Variants in PKHD1 observed in about 807,000 individuals in gnomAD.
PKHD1 encodes the protein PKHD1 ciliary IPT domain containing fibrocystin/polyductin.
A neutral mutation model predicts 412.0 loss-of-function variants in PKHD1; 291 were observed. That is an observed-to-expected ratio of 0.71 (90% CI 0.64 to 0.78). The LOEUF is 0.78. PKHD1 is among the 30% of genes least tolerant of loss of function. PKHD1 has a pLI of 0.00. For synonymous variants in PKHD1, 1,777 were observed against 1,821.5 expected, an observed-to-expected ratio of 0.98 and a Z score of 0.62; for missense variants, 4,825 against 4,950.7, an observed-to-expected ratio of 0.97 and a Z score of 0.76.
chr6:51,783,632 G>A (rs187361626), intron 53 of PKHD1, among the ~76,000 whole-genome samples: 2 of 152,032 alleles, frequency 1.3e-5, no homozygotes, highest in East Asian at 1.9e-4. Context: ...CATATAAGAG[G>A]AGACATTGAT....
intron 60 of PKHD1, among the ~76,000 whole-genome samples, chr6:51,718,737 T>C (rs1347414994): frequency 1.3e-5 from 2 of 152,176 alleles, no homozygotes; most frequent in Admixed American, 6.5e-5. Context: ...ATGGAATAAC[T>C]ATAAATGGAG....
chr6:51,616,899 A>G lies in PKHD1; in HGVS notation c.*2182T>C. ...GAAGGGCGAAATAGAATGAAGAGTC[A>G]TGACTGACTTCTAGATTTCTGGTCT... On this transcript the variant is annotated 3_prime_UTR_variant, in exon 67 of 67. Coordinates refer to ENST00000371117, the MANE Select transcript of PKHD1 (RefSeq NM_138694.4). 2.6e-6 allele frequency: 1 copy of G among 384,236 alleles called. No homozygotes were observed. The highest frequency in any genetic ancestry group is 4.6e-6 in the Non-Finnish European group (1 of 217,266). The allele number at this position is 384,236 out of a possible 1,614,324, so 23.8% of individuals were successfully genotyped here.
intron 48 of PKHD1, among the ~76,000 whole-genome samples, chr6:51,860,411 G>T (rs1339529115): frequency 6.6e-6 from 1 of 152,138 alleles, no homozygotes; most frequent in Non-Finnish European, 1.5e-5. Context: ...ACCATGAAGA[G>T]AACTTACCAA....
chr6:51,925,231 T>A (rs1785340988), intron 37 of PKHD1, among the ~76,000 whole-genome samples: 1 of 152,126 alleles, frequency 6.6e-6, no homozygotes, highest in African/African-American at 2.4e-5. Flanking sequence ...TACAGAAAGT[T>A]TGAAAGGAAG....
At chr6:52,052,523 C>T (rs1807022148) in intron 21 of PKHD1, among the ~76,000 whole-genome samples, 3 of 152,286 alleles carry the variant, frequency 2.0e-5, no homozygotes, top group Admixed American at 6.5e-5. Context: ...ACTCTCACTG[C>T]GTCTGTCTTG....
At chr6:51,780,805 T>A (rs1241454945) in intron 53 of PKHD1, among the ~76,000 whole-genome samples, 1 of 152,162 alleles carries the variant, frequency 6.6e-6, no homozygotes, top group Non-Finnish European at 1.5e-5. Context: ...GTTTTGTTGA[T>A]CAAAAGAGGG....
intron 60 of PKHD1, among the ~76,000 whole-genome samples, chr6:51,688,961 A>G (rs1463350945): frequency 6.6e-6 from 1 of 152,156 alleles, no homozygotes; most frequent in Non-Finnish European, 1.5e-5. Flanking sequence ...ACAATTCCAA[A>G]AAATTGAGGA....
rs575535318 is a variant in PKHD1, at chr6:51,712,655, C to G, written c.10156+31730G>C. 5.3e-4 allele frequency among the ~76,000 whole-genome samples: 81 copies of G among 152,224 alleles called. No individual in the cohort carries two copies. The South Asian group carries it at 0.016, about 31-fold the overall frequency. On this transcript the variant is annotated intron_variant, in intron 60 of 66. Transcript: ENST00000371117. ...TTTCAAAAAGAGAAAACAGGTGATT[C>G]TTATCTTTCCTCTGATGTAGGGTAT...
In PKHD1 at chr6:51,619,110, G is replaced by A; in HGVS notation, c.12196C>T (p.His4066Tyr). The A allele has an allele frequency of 6.2e-7, 1 of 1,614,228 alleles. No homozygotes were observed. The highest frequency in any genetic ancestry group is 8.5e-7 in the Non-Finnish European group (1 of 1,180,026). The change falls in exon 67 of 67, where the codon CAC (histidine) becomes TAC (tyrosine). Residue 4066 changes from histidine (H) to tyrosine (Y), a missense_variant. Transcript: ENST00000371117. The stretch of plus-strand genomic sequence containing the variant: ...AGTTGCTCCTGAATAGTTTCCGGGT[G>A]TACTGAATGAAGGCAGAATGCCTCA... Reference protein sequence around the residue: ...ATEAFCLHSVHPETIQEQL With the variant: ...ATEAFCLHSVYPETIQEQL
intron 60 of PKHD1, chr6:51,721,585 C>T (rs1204855172): frequency 3.0e-6 from 3 of 1,010,876 alleles, no homozygotes; most frequent in East Asian, 9.7e-5. Context: ...CTGAATTGCT[C>T]CTCTCTCATA....
chr6:51,616,435 T>C lies in PKHD1; in HGVS notation c.*2646A>G, dbSNP rs1766071641. ...GTTAACGATCTGAATAAATTTAGAG[T>C]TGGCCTACAGTGGTGCTCAAATTGG... On this transcript the variant is annotated 3_prime_UTR_variant, in exon 67 of 67. Coordinates refer to ENST00000371117, the MANE Select transcript of PKHD1 (RefSeq NM_138694.4). 2.7e-6 allele frequency: 1 copy of C among 375,674 alleles called. No homozygotes were observed. The allele number at this position is 375,674 out of a possible 1,614,324, so 23.3% of individuals were successfully genotyped here. A position where few individuals can be genotyped will look rare whatever the true frequency, so the allele number is the denominator to read the frequency against.
intron 43 of PKHD1, among the ~76,000 whole-genome samples, chr6:51,901,694 A>G (rs901897620): frequency 4.6e-5 from 7 of 151,658 alleles, no homozygotes; most frequent in African/African-American, 1.5e-4. Flanking sequence ...AAAACTTAAA[A>G]AAAAAAAAAA....
intron 46 of PKHD1, among the ~76,000 whole-genome samples, chr6:51,881,876 CACTT>C (rs1435676778): frequency 2.0e-5 from 3 of 152,174 alleles, no homozygotes; most frequent in Admixed American, 2.0e-4. Context: ...TCTTGTCCTG[CACTT>C]ACTTAAGAGA....
intron 29 of PKHD1, among the ~76,000 whole-genome samples, chr6:52,032,746 A>T (rs903233164): frequency 9.9e-5 from 15 of 152,168 alleles, no homozygotes; most frequent in African/African-American, 3.4e-4. Context: ...CATTATTGAC[A>T]CTTACTAAAT....
At chr6:51,934,929 T>C (rs953857852) in intron 36 of PKHD1, among the ~76,000 whole-genome samples, 2 of 152,176 alleles carry the variant, frequency 1.3e-5, no homozygotes, top group Admixed American at 1.3e-4. Flanking sequence ...AAGAGAAATA[T>C]GGAGCAAAAG....
chr6:51,743,753 G>T (rs549984850), intron 60 of PKHD1, among the ~76,000 whole-genome samples: 3 of 152,154 alleles, frequency 2.0e-5, no homozygotes, highest in Admixed American at 2.0e-4. Context: ...ACATTTGACC[G>T]GAGCAGGTTC....
chr6:52,007,498 C>T (rs145163828), intron 35 of PKHD1, among the ~76,000 whole-genome samples: 2 of 152,146 alleles, frequency 1.3e-5, no homozygotes, highest in Non-Finnish European at 2.9e-5. Flanking sequence ...AATTGTACAT[C>T]CCAACATGGG....
At chr6:51,907,855 CTT>C (rs1479535477) in intron 40 of PKHD1, among the ~76,000 whole-genome samples, 2 of 152,154 alleles carry the variant, frequency 1.3e-5, no homozygotes, top group East Asian at 3.9e-4. Flanking sequence ...AATTTTCAAA[CTT>C]TTATTTTTTA....
chr6:51,904,015 G>A lies in PKHD1; in HGVS notation c.6836C>T (p.Ser2279Phe), dbSNP rs1781696196. 1 of 1,595,098 alleles carries A rather than the reference G, an allele frequency of 6.3e-7. No homozygotes were observed. Among genetic ancestry groups the A allele is most frequent in the Non-Finnish European group, 8.6e-7 (1 of 1,163,230 alleles). Residue 2279 changes from serine to phenylalanine, a missense_variant, in exon 42 of 67, where the codon TCC (serine) becomes TTC (phenylalanine). Transcript: ENST00000371117. ...TTTCCTTCCATGAATTGCCTCCCAG[G>A]AGATATATCTCATCTCCGTGCATGT... ...VGTCTEMRYI[S>F]WEAIHGRKDD...
Sources: gnomAD v4.1 joint callset for allele counts (sites outside exome capture counted in the v4.1 genomes callset) on GRCh38, gnomAD v4.1.1 for gene constraint, MANE v1.5 for transcripts, NCBI Gene and HGNC (gene_info 2026-07-23, HGNC 2026-07-21) for gene names.